Variants in OCA2 observed in about 807,000 individuals in gnomAD.
OCA2 encodes the protein OCA2 melanosomal transmembrane protein.
Under a neutral mutation model 100.2 loss-of-function variants are expected in OCA2, and 77 were observed. The ratio of observed to expected loss-of-function variants is 0.77; its 90% CI spans 0.64 to 0.93. The LOEUF (loss-of-function observed/expected upper bound fraction) is 0.93. OCA2 is among the 40% of genes least tolerant of loss of function. The probability of loss-of-function intolerance (pLI) is 0.00; values close to 1 mark genes in which losing one functional copy is unlikely to be tolerated. For synonymous variants in OCA2, 432 were observed against 439.2 expected, an observed-to-expected ratio of 0.98 and a Z score of 0.21; for missense variants, 1,062 against 1,089.1, an observed-to-expected ratio of 0.98 and a Z score of 0.35.
intron 9 of OCA2, among the ~76,000 whole-genome samples, chr15:28,007,554 C>A (rs2042124398): frequency 6.6e-6 from 1 of 152,126 alleles, no homozygotes; most frequent in Admixed American, 6.5e-5. Context: ...CATGGTGAAA[C>A]CCCATCTCTA....
chr15:27,742,572 C>T, the OCA2 span, among the ~76,000 whole-genome samples: 4 of 152,136 alleles, frequency 2.6e-5, no homozygotes, highest in Non-Finnish European at 5.9e-5. Flanking sequence ...GATGCAGCAC[C>T]GGGCCACCTT....
rs368220267 is a variant in OCA2 at position 28,046,097 on chromosome 15, A to T, written c.228-13934T>A. On this transcript the variant is annotated intron_variant, in intron 2 of 23. Coordinates refer to ENST00000354638, the MANE Select transcript of OCA2 (RefSeq NM_000275.3). ...CAGATAGTGGCCAGAGGAGGACATG[A>T]TGGATGACACTCCAGACTCTCTCTT... is the stretch of plus-strand genomic sequence containing the variant. Among the ~76,000 whole-genome samples the T allele has an allele frequency of 3.9e-4, 59 of 152,234 alleles. No homozygotes were observed. The South Asian group carries it at 1.0e-2, about 26-fold the overall frequency.
intron 23 of OCA2, among the ~76,000 whole-genome samples, chr15:27,798,363 C>G (rs893505435): frequency 6.6e-6 from 1 of 152,034 alleles, no homozygotes; most frequent in Non-Finnish European, 1.5e-5. Context: ...CAAATTCTAC[C>G]GTAGGAGAGG....
intron 9 of OCA2, among the ~76,000 whole-genome samples, chr15:27,993,444 C>T (rs1219191391): frequency 6.6e-6 from 1 of 152,190 alleles, no homozygotes; most frequent in East Asian, 1.9e-4. Flanking sequence ...CTTGTTTGCT[C>T]ATTTGTAAAA....
At chr15:28,023,115 C>G (rs541838257) in intron 5 of OCA2, among the ~76,000 whole-genome samples, 1 of 152,204 alleles carries the variant, frequency 6.6e-6, no homozygotes, top group South Asian at 2.1e-4. Flanking sequence ...CAGGGGAGAC[C>G]TGGCCCACCC....
chr15:27,773,363 A>C (rs755795263), intron 23 of OCA2, among the ~76,000 whole-genome samples: 4 of 152,236 alleles, frequency 2.6e-5, no homozygotes, highest in Non-Finnish European at 5.9e-5. Context: ...CCCGCCTAAT[A>C]GAAAGTTTTA....
At chr15:27,744,824 C>G in the OCA2 span, among the ~76,000 whole-genome samples, 25 of 152,248 alleles carry the variant, frequency 1.6e-4, no homozygotes, top group African/African-American at 4.6e-4. Context: ...TCCAAAGAAG[C>G]CTGGAAAACT....
At chr15:27,736,487 C>A in the OCA2 span, among the ~76,000 whole-genome samples, 3 of 152,172 alleles carry the variant, frequency 2.0e-5, no homozygotes, top group Admixed American at 1.3e-4. Context: ...CAGGAAGCTA[C>A]ATGGAGTTTT....
intron 1 of OCA2, among the ~76,000 whole-genome samples, chr15:28,090,172 C>A (rs934725686): frequency 6.6e-6 from 1 of 152,072 alleles, no homozygotes; most frequent in Non-Finnish European, 1.5e-5. Flanking sequence ...CACATATGCA[C>A]AAAACAACAG....
chr15:27,923,781 T>C (rs1349793752), intron 19 of OCA2, among the ~76,000 whole-genome samples: 1 of 152,220 alleles, frequency 6.6e-6, no homozygotes, highest in African/African-American at 2.4e-5. Context: ...CAGAGATGCA[T>C]AATTTGCTAA....
chr15:28,027,823 A>T (rs2042798667), intron 4 of OCA2, 48 bp downstream of exon 4: 1 of 1,594,474 alleles, frequency 6.3e-7, no homozygotes, highest in East Asian at 2.2e-5. Flanking sequence ...GTAGGACGCG[A>T]TGTGCGGCCA....
At chr15:28,022,381 A>C (rs2042620194) in intron 6 of OCA2, 120 bp downstream of exon 6, 2 of 529,562 alleles carry the variant, frequency 3.8e-6, no homozygotes, top group African/African-American at 1.5e-4. Flanking sequence ...GAGAAACAAA[A>C]TTCGAGTGGT....
At chr15:27,962,473 G>C (rs1175289282) in intron 15 of OCA2, among the ~76,000 whole-genome samples, 1 of 152,220 alleles carries the variant, frequency 6.6e-6, no homozygotes, top group Non-Finnish European at 1.5e-5. Flanking sequence ...TGACACAGGA[G>C]GTGATGGCTT....
chr15:27,824,598 C>CTA (rs1168393822), intron 23 of OCA2, among the ~76,000 whole-genome samples: 5 of 39,736 alleles, frequency 1.3e-4, no homozygotes, highest in Non-Finnish European at 7.6e-5. Flanking sequence ...CTCTCTCTCT[C>CTA]TCTCTATATA....
At chr15:27,865,321 A>G (rs1458206333) in intron 21 of OCA2, among the ~76,000 whole-genome samples, 2 of 152,056 alleles carry the variant, frequency 1.3e-5, no homozygotes, top group Admixed American at 6.6e-5. Flanking sequence ...CCGCTCTCTG[A>G]CCCTTTTTAA....
chr15:27,913,495 A>G (rs1021163171), intron 19 of OCA2, among the ~76,000 whole-genome samples: 2 of 152,086 alleles, frequency 1.3e-5, no homozygotes, highest in African/African-American at 4.8e-5. Flanking sequence ...TTCATGATAA[A>G]CTATTTCTCC....
chr15:27,920,054 AAAGAT>A (rs1452380905), intron 19 of OCA2, among the ~76,000 whole-genome samples: 1 of 152,162 alleles, frequency 6.6e-6, no homozygotes, highest in African/African-American at 2.4e-5. Context: ...GGAAAGAGAC[AAAGAT>A]AAGGAAAAAA....
At chr15:27,904,598 G>A (rs1457804560) in intron 19 of OCA2, among the ~76,000 whole-genome samples, 14 of 152,146 alleles carry the variant, frequency 9.2e-5, no homozygotes, top group Admixed American at 8.5e-4. Flanking sequence ...GCCCCTCACT[G>A]ATCATGGGGC....
At chr15:27,900,186 AT>A (rs2151641465) in intron 19 of OCA2, among the ~76,000 whole-genome samples, 1 of 152,290 alleles carries the variant, frequency 6.6e-6, no homozygotes, top group South Asian at 2.1e-4. Flanking sequence ...AGCATGTGCA[AT>A]TTGACTTTAC....
Sources: allele counts gnomAD v4.1 joint callset (sites outside exome capture counted in the v4.1 genomes callset), GRCh38; gene constraint gnomAD v4.1.1; transcripts MANE v1.5; gene names NCBI Gene and HGNC (gene_info 2026-07-23, HGNC 2026-07-21).